Variants in PDLIM5 observed in about 807,000 individuals in gnomAD.
PDLIM5 encodes the protein PDZ and LIM domain 5, also known as PDZ and LIM domain protein 5.
A neutral mutation model predicts 64.2 loss-of-function variants in PDLIM5; 34 were observed. That is an observed-to-expected ratio of 0.53 (90% CI 0.40 to 0.71). PDLIM5 has a LOEUF of 0.71. Among genes scored for constraint, PDLIM5 ranks in the 30% least tolerant of loss-of-function variants. The probability of loss-of-function intolerance (pLI) is 0.00; values close to 1 mark genes in which losing one functional copy is unlikely to be tolerated. For synonymous variants in PDLIM5, 253 were observed against 269.1 expected (o/e 0.94, Z 0.59); for missense variants, 683 against 733.6 (o/e 0.93, Z 0.80).
intron 5 of PDLIM5, among the ~76,000 whole-genome samples, chr4:94,583,689 A>G (rs1369581536): frequency 6.6e-6 from 1 of 152,178 alleles, no homozygotes; most frequent in Non-Finnish European, 1.5e-5. Context: ...TGATATTACC[A>G]TATTACCATA....
chr4:94,654,184 C>G (rs1007936309), intron 9 of PDLIM5, among the ~76,000 whole-genome samples: 1 of 152,116 alleles, frequency 6.6e-6, no homozygotes, highest in South Asian at 2.1e-4. Context: ...CTCATTTCAG[C>G]TCAATAAAAC....
intron 2 of PDLIM5, among the ~76,000 whole-genome samples, chr4:94,466,158 G>A (rs1724347176): frequency 6.6e-6 from 1 of 152,004 alleles, no homozygotes. Flanking sequence ...TGTAGAAACA[G>A]GGTCTCATTA....
At chr4:94,579,525 C>A in intron 5 of PDLIM5, 2 of 1,371,026 alleles carry the variant, frequency 1.5e-6, no homozygotes, top group South Asian at 1.4e-5. Context: ...TTGCAGAAAA[C>A]ACAAGTGACA....
chr4:94,616,145 A>AT (rs1003847629), intron 7 of PDLIM5, among the ~76,000 whole-genome samples: 2 of 151,902 alleles, frequency 1.3e-5, no homozygotes, highest in African/African-American at 4.8e-5. Flanking sequence ...CTTGGTCATA[A>AT]TTTTTTTTCT....
At chr4:94,456,425 C>T (rs1386273476) in intron 2 of PDLIM5, 8 of 689,376 alleles carry the variant, frequency 1.2e-5, no homozygotes, top group South Asian at 3.1e-5. Context: ...CTTGAACTCC[C>T]GACCTCAGGT....
intron 3 of PDLIM5, among the ~76,000 whole-genome samples, chr4:94,544,927 C>T (rs960584627): frequency 1.2e-4 from 18 of 152,244 alleles, no homozygotes; most frequent in Admixed American, 3.9e-4. Context: ...AATACCTTGC[C>T]ATGGTTAAAT....
chr4:94,646,765 A>AT (rs893399954), intron 9 of PDLIM5, among the ~76,000 whole-genome samples: 60 of 152,206 alleles, frequency 3.9e-4, no homozygotes, highest in African/African-American at 1.4e-3. Flanking sequence ...GCAAGTTACC[A>AT]TACTGGCACC....
chr4:94,491,782 A>G (rs995992741), intron 2 of PDLIM5, among the ~76,000 whole-genome samples: 1 of 152,240 alleles, frequency 6.6e-6, no homozygotes, highest in South Asian at 2.1e-4. Context: ...TTTAATTGAC[A>G]TATCTTAATT....
intron 1 of PDLIM5, 95 bp downstream of exon 1, chr4:94,452,090 C>G (rs1350782325): frequency 1.3e-5 from 2 of 152,350 alleles, no homozygotes; most frequent in African/African-American, 4.8e-5. Context: ...AAGGGAAGCC[C>G]GGTTGGGGAC....
intron 2 of PDLIM5, among the ~76,000 whole-genome samples, chr4:94,501,072 A>G (rs1022807340): frequency 1.7e-4 from 22 of 133,218 alleles, no homozygotes; most frequent in Non-Finnish European, 1.5e-4. Flanking sequence ...GTGAGCCACT[A>G]TACCTGGCCT....
intron 3 of PDLIM5, among the ~76,000 whole-genome samples, chr4:94,532,763 C>T (rs1054381118): frequency 2.0e-5 from 3 of 152,120 alleles, no homozygotes; most frequent in African/African-American, 7.2e-5. Context: ...CTTTGGGAGG[C>T]CGTGGTGGGC....
In PDLIM5 at chr4:94,666,688, T is replaced by C. The variant is rs1743095913; in HGVS notation, c.*2621T>C. On this transcript the variant is annotated 3_prime_UTR_variant, in exon 13 of 13. Coordinates refer to ENST00000317968, the MANE Select transcript of PDLIM5 (RefSeq NM_006457.5). ...AATTTTATTTGACCCAGATTTCTTA[T>C]AAAGTTATCTTACATTAAGGATGTC... 1 of 152,298 alleles carries C rather than the reference T, an allele frequency of 6.6e-6. No individual in the cohort carries two copies. The highest frequency in any genetic ancestry group is 1.5e-5 in the Non-Finnish European group (1 of 68,042). The allele number at this position is 152,298 out of a possible 1,614,324, so 9.4% of individuals were successfully genotyped here. A position where few individuals can be genotyped will look rare whatever the true frequency, so the allele number is the denominator to read the frequency against.
intron 2 of PDLIM5, among the ~76,000 whole-genome samples, chr4:94,497,791 A>C (rs1314753380): frequency 6.6e-6 from 1 of 152,198 alleles, no homozygotes; most frequent in African/African-American, 2.4e-5. Flanking sequence ...CTGTAGTTCA[A>C]ATCTTAGGAG....
At chr4:94,521,892 A>G (rs1729862935) in intron 2 of PDLIM5, among the ~76,000 whole-genome samples, 2 of 152,098 alleles carry the variant, frequency 1.3e-5, no homozygotes, top group Admixed American at 1.3e-4. Flanking sequence ...AATAAAATCT[A>G]GGATGACTTA....
At chr4:94,462,289 A>G (rs1462155266) in intron 2 of PDLIM5, among the ~76,000 whole-genome samples, 4 of 152,116 alleles carry the variant, frequency 2.6e-5, no homozygotes, top group Non-Finnish European at 5.9e-5. Context: ...TGTTAGTAGT[A>G]TACTTCCAGA....
chr4:94,484,029 G>A lies in PDLIM5; in HGVS notation c.96+28645G>A, dbSNP rs79488694. Among the ~76,000 whole-genome samples the A allele has an allele frequency of 3.5e-4, 54 of 152,204 alleles. No individual in the cohort carries two copies. The East Asian group carries it at 8.7e-3, about 25-fold the overall frequency. On this transcript the variant is annotated intron_variant, in intron 2 of 12. Transcript: ENST00000317968. ...GAGAGACACTTGAGACCTTAGATAC[G>A]TTTCCTGCATGTCTCCAGAAACAAG... is the stretch of plus-strand genomic sequence containing the variant.
chr4:94,559,563 A>C (rs1430250402), intron 3 of PDLIM5, among the ~76,000 whole-genome samples: 6 of 152,232 alleles, frequency 3.9e-5, no homozygotes, highest in Non-Finnish European at 8.8e-5. Context: ...TAAGATGCTA[A>C]ATTGAAATTT....
intron 3 of PDLIM5, among the ~76,000 whole-genome samples, chr4:94,532,098 C>T (rs1730925105): frequency 6.6e-6 from 1 of 152,024 alleles, no homozygotes; most frequent in Non-Finnish European, 1.5e-5. Context: ...CATTCCTATG[C>T]TTCTATGTAT....
At chr4:94,584,916 TATC>T in intron 5 of PDLIM5, 1 of 978,288 alleles carries the variant, frequency 1.0e-6, no homozygotes, top group African/African-American at 1.6e-5. Context: ...CTTTTTTTCT[TATC>T]ATTTTCCTTT....
Sources: gnomAD v4.1 joint callset for allele counts (sites outside exome capture counted in the v4.1 genomes callset) on GRCh38, gnomAD v4.1.1 for gene constraint, MANE v1.5 for transcripts, NCBI Gene and HGNC (gene_info 2026-07-23, HGNC 2026-07-21) for gene names.